Variants in EIF5B observed in about 807,000 individuals in gnomAD.
EIF5B encodes eukaryotic translation initiation factor 5B.
In EIF5B, 47 loss-of-function variants were observed where a neutral mutation model predicts 147.5. That is an observed-to-expected ratio of 0.32 (90% confidence interval 0.25 to 0.41). The LOEUF (loss-of-function observed/expected upper bound fraction) is 0.41, where lower values mean the gene tolerates loss of function less well. Ranked by LOEUF, EIF5B falls within the 10% of genes least tolerant of loss-of-function variation. The probability of loss-of-function intolerance (pLI) is 1.00; values close to 1 mark genes in which losing one functional copy is unlikely to be tolerated. For missense variants in EIF5B, 1,064 were observed against 1,413.2 expected, an observed-to-expected ratio of 0.75 and a Z score of 3.96; for synonymous variants, 455 against 456.2, an observed-to-expected ratio of 1.00 and a Z score of 0.03.
At chr2:99,367,410 A>G (rs1480120602) in intron 6 of EIF5B, among the ~76,000 whole-genome samples, 3 of 150,660 alleles carry the variant, frequency 2.0e-5, no homozygotes, top group Non-Finnish European at 4.4e-5. Flanking sequence ...AACCTTTACC[A>G]CATTCAGAGC....
intron 1 of EIF5B, among the ~76,000 whole-genome samples, chr2:99,340,455 C>G (rs1306383699): frequency 6.6e-6 from 1 of 152,170 alleles, no homozygotes; most frequent in Non-Finnish European, 1.5e-5. Flanking sequence ...CTATGTCAGG[C>G]ATGTTTCTGG....
chr2:99,376,482 A>G lies in EIF5B; in HGVS notation c.1688A>G (p.Asp563Gly). 1 of 1,612,556 alleles carries G rather than the reference A, an allele frequency of 6.2e-7. No individual in the cohort carries two copies. The highest frequency in any genetic ancestry group is 8.5e-7 in the Non-Finnish European group (1 of 1,178,640). The stretch of plus-strand genomic sequence containing the variant: ...GGAGAAAGTGAAGGCAGTGAAGGTG[A>G]TGAGGAAGATGAAAAGGTGTCAGAT... ...EEGESEGSEG[D>G]EEDEKVSDEK... is the part of the protein sequence containing the mutation. The change falls in exon 10 of 24, where the codon GAT becomes GGT. Residue 563 changes from aspartate to glycine, a missense_variant. Around this residue, in one of 4 missense-constraint regions of EIF5B, gnomAD observed 195 missense variants for 186.3 expected, o/e 1.05. Transcript: ENST00000289371.
rs1674185283 is a variant in EIF5B at position 99,360,456 on chromosome 2, CT to C, written c.162-5del. ...CAGTGCTTCACAATGTATTTTAATC[CT>C]TTTCTAGTGAAGATGATATCCTGAA... is the stretch of plus-strand genomic sequence containing the variant. On this transcript the variant is annotated splice_region_variant and splice_polypyrimidine_tract_variant and intron_variant, in intron 2 of 23. Coordinates refer to ENST00000289371, the MANE Select transcript of EIF5B (RefSeq NM_015904.4). 2 of 1,611,812 alleles carry C rather than the reference CT, an allele frequency of 1.2e-6. No individual in the cohort carries two copies. The highest frequency in any genetic ancestry group is 1.7e-6 in the Non-Finnish European group (2 of 1,179,068).
At chr2:99,375,727 C>T (rs560365085) in intron 9 of EIF5B, among the ~76,000 whole-genome samples, 15 of 152,220 alleles carry the variant, frequency 9.9e-5, no homozygotes, top group African/African-American at 3.4e-4. Flanking sequence ...TGACAGATTT[C>T]GTTTTAGCAT....
Position 99,401,135 on chromosome 2 carries a change from A to G in EIF5B, c.*1721A>G. The G allele has an allele frequency of 1.7e-6, 1 of 601,796 alleles. No homozygotes were observed. Among genetic ancestry groups the G allele is most frequent in the South Asian group, 3.2e-5 (1 of 31,620 alleles). The allele number at this position is 601,796 out of a possible 1,614,324, so 37.3% of individuals were successfully genotyped here. A position where few individuals can be genotyped will look rare whatever the true frequency, so the allele number is the denominator to read the frequency against. ...TGTACAAAACACTTGCTTTAAAAGA[A>G]ATTTAAAATTATAAAAACTCCGAGC... On this transcript the variant is annotated 3_prime_UTR_variant, in exon 24 of 24. Transcript: ENST00000289371.
chr2:99,338,202 G>T (rs2094248688), intron 1 of EIF5B: 1 of 697,068 alleles, frequency 1.4e-6, no homozygotes, highest in Non-Finnish European at 2.2e-6. Flanking sequence ...TTGCTCTCTA[G>T]CCTTCCCCTA....
intron 1 of EIF5B, among the ~76,000 whole-genome samples, chr2:99,352,321 C>T (rs1030447332): frequency 6.6e-6 from 1 of 151,438 alleles, no homozygotes; most frequent in African/African-American, 2.4e-5. Flanking sequence ...TCAGCCTCCT[C>T]AGTAGCTGGG....
rs745455228 is a variant in EIF5B at position 99,394,416 on chromosome 2, G to A, written c.3012+18G>A. Reference sequence around the variant, plus strand: ...AAGTGCCCGTAAGTAACTACAACTCGCTCCACAAGTGAATGGTGGTTGGTC... The same window carrying A: ...AAGTGCCCGTAAGTAACTACAACTCACTCCACAAGTGAATGGTGGTTGGTC... On this transcript the variant is annotated intron_variant, in intron 19 of 23. Transcript: ENST00000289371. The A allele has an allele frequency of 1.6e-5, 26 of 1,613,424 alleles. No homozygotes were observed. In the Admixed American group the frequency reaches 2.0e-4, roughly 12 times the overall value.
In EIF5B at chr2:99,394,342, T is replaced by C. The variant is rs1674999693; in HGVS notation, c.2956T>C (p.Ser986Pro). The C allele has an allele frequency of 1.2e-6, 2 of 1,614,046 alleles. No individual in the cohort carries two copies. Among genetic ancestry groups the C allele is most frequent in the Non-Finnish European group, 1.7e-6 (2 of 1,180,042 alleles). Residue 986 changes from serine (S) to proline (P), a missense_variant, in exon 19 of 24, where the codon TCT (serine) becomes CCT (proline). Coordinates refer to ENST00000289371, the MANE Select transcript of EIF5B (RefSeq NM_015904.4). Reference sequence around the variant, plus strand: ...AGAAAAAGGAGTCTATGTCCAGGCATCTACACTGGGTTCTTTGGAAGCTCT... The same window carrying C: ...AGAAAAAGGAGTCTATGTCCAGGCACCTACACTGGGTTCTTTGGAAGCTCT... ...LEEKGVYVQA[S>P]TLGSLEALLE... is the part of the protein sequence containing the mutation.
At chr2:99,347,180 G>T (rs1011270385) in intron 1 of EIF5B, among the ~76,000 whole-genome samples, 3 of 151,408 alleles carry the variant, frequency 2.0e-5, no homozygotes, top group African/African-American at 4.9e-5. Flanking sequence ...TAATTTTTTT[G>T]ATTTTTAGTA....
chr2:99,359,466 A>C (rs553157333), intron 1 of EIF5B, among the ~76,000 whole-genome samples: 48 of 152,264 alleles, frequency 3.2e-4, no homozygotes, highest in African/African-American at 1.1e-3. Context: ...TTGTTTTCTT[A>C]CTGTGCCATT....
chr2:99,377,613 T>G (rs1171906940), intron 10 of EIF5B, among the ~76,000 whole-genome samples: 1 of 152,056 alleles, frequency 6.6e-6, no homozygotes, highest in African/African-American at 2.4e-5. Flanking sequence ...TGTACTGTGC[T>G]TGCTGATTAA....
chr2:99,338,952 A>G (rs1244046925), intron 1 of EIF5B, among the ~76,000 whole-genome samples: 2 of 128,294 alleles, frequency 1.6e-5, no homozygotes, highest in Non-Finnish European at 3.5e-5. Context: ...ATATATATAC[A>G]CACATATATA....
At chr2:99,381,175 A>G (rs1218228861) in intron 12 of EIF5B, among the ~76,000 whole-genome samples, 1 of 152,108 alleles carries the variant, frequency 6.6e-6, no homozygotes, top group Non-Finnish European at 1.5e-5. Context: ...CCTATTTTAA[A>G]CAGTATTTCT....
At chr2:99,346,589 C>CT (rs773411395) in intron 1 of EIF5B, among the ~76,000 whole-genome samples, 32,689 of 61,672 alleles carry the variant, frequency 0.53, 13,300 homozygotes, top group Non-Finnish European at 0.65. Context: ...AGTTGTATCT[C>CT]TTTTTTTTTT....
At chr2:99,388,138 A>G (rs1674850007) in intron 14 of EIF5B, among the ~76,000 whole-genome samples, 1 of 152,202 alleles carries the variant, frequency 6.6e-6, no homozygotes, top group Admixed American at 6.5e-5. Flanking sequence ...CTCAGTTTGT[A>G]TCTTGTGACC....
At position 99,393,459 on chromosome 2, in the gene EIF5B, TC is replaced by T. The variant is rs377240207; in HGVS notation, c.2880+362del. Among the ~76,000 whole-genome samples, 54 of 151,870 alleles carry T rather than the reference TC, an allele frequency of 3.6e-4. 3 individuals are homozygous for T. Among genetic ancestry groups the T allele is most frequent in the East Asian group, 3.3e-3 (17 of 5,158 alleles). The stretch of plus-strand genomic sequence containing the variant: ...AGGCAGAGGCTGCAGTGAGCCAAGA[TC>T]GTGCCACTGCACTCCAACCTGGGTG... On this transcript the variant is annotated intron_variant, in intron 18 of 23. Transcript: ENST00000289371.
chr2:99,398,630 A>G (rs1167724392), intron 22 of EIF5B, 118 bp from the exon 23 acceptor site: 1 of 1,087,072 alleles, frequency 9.2e-7, no homozygotes, highest in Admixed American at 2.8e-5. Flanking sequence ...AAAGGATCGC[A>G]CTGCCATGAC....
intron 18 of EIF5B, among the ~76,000 whole-genome samples, chr2:99,394,034 C>T (rs919920468): frequency 6.6e-6 from 1 of 152,160 alleles, no homozygotes; most frequent in Non-Finnish European, 1.5e-5. Flanking sequence ...GGAGATTAAA[C>T]ATATTTCAAA....
Sources: gnomAD v4.1 joint callset for allele counts (sites outside exome capture counted in the v4.1 genomes callset) on GRCh38, gnomAD v4.1.1 for gene constraint, gnomAD v4.1.1 regional missense constraint, MANE v1.5 for transcripts, NCBI Gene and HGNC (gene_info 2026-07-23, HGNC 2026-07-21) for gene names.